Variants in NXPH2 observed in about 807,000 individuals in gnomAD.
NXPH2 encodes neurexophilin-2.
In NXPH2, 5 loss-of-function variants were observed where a neutral mutation model predicts 19.8. The observed-to-expected ratio is 0.25, with a 90% CI of 0.13 to 0.53. The LOEUF is 0.53. Ranked by LOEUF, NXPH2 falls within the 20% of genes least tolerant of loss-of-function variation. The pLI is 0.96. For synonymous variants in NXPH2, 154 were observed against 127.4 expected, an observed-to-expected ratio of 1.21 and a Z score of -1.41; for missense variants, 289 against 322.8, an observed-to-expected ratio of 0.90 and a Z score of 0.80.
rs943098628 is a variant in NXPH2 at position 138,671,256 on chromosome 2, C to T, written c.461G>A (p.Gly154Asp). 6.2e-7 allele frequency: 1 copy of T among 1,613,852 alleles called. No homozygotes were observed. The highest frequency in any genetic ancestry group is 8.5e-7 in the Non-Finnish European group (1 of 1,179,820). Reference protein sequence around the residue: ...VYFRHNSTGLGNVSVSLVPPS... With the variant: ...VYFRHNSTGLDNVSVSLVPPS... ...TGGTACCAAGCTCACTGAAACATTG[C>T]CCAGGCCTGTTGAATTATGTCGGAA... Residue 154 changes from glycine to aspartate, a missense_variant, in exon 2 of 2, where the codon GGC (glycine) becomes GAC (aspartate). Gly to Asp is a moderately conservative substitution (Grantham distance 94). Coordinates refer to ENST00000272641, the MANE Select transcript of NXPH2 (RefSeq NM_007226.3).
chr2:138,674,431 G>A (rs1296475142), intron 1 of NXPH2, among the ~76,000 whole-genome samples: 2 of 152,144 alleles, frequency 1.3e-5, no homozygotes, highest in Admixed American at 6.5e-5. Flanking sequence ...CAGGATTACA[G>A]GTGTGAGCCA....
At position 138,672,609 on chromosome 2, in the gene NXPH2, TA is replaced by T. The variant is rs1680431421; in HGVS notation, c.52-945del. Among the ~76,000 whole-genome samples the T allele has an allele frequency of 2.0e-5, 3 of 152,286 alleles. No homozygotes were observed. The South Asian group carries it at 6.2e-4, about 32-fold the overall frequency. On this transcript the variant is annotated intron_variant, in intron 1 of 1. Transcript: ENST00000272641. ...GGAGTGAATATTTATGGATGATTTA[TA>T]AAAAGTCTGGAAAATAGAGGTTTCT...
chr2:138,682,611 G>A (rs1416651384), intron 1 of NXPH2, among the ~76,000 whole-genome samples: 1 of 152,146 alleles, frequency 6.6e-6, no homozygotes, highest in African/African-American at 2.4e-5. Context: ...CCTTTCTGCT[G>A]AGAGTGGCAA....
chr2:138,776,404 G>T (rs576328355), intron 1 of NXPH2, among the ~76,000 whole-genome samples: 1 of 151,998 alleles, frequency 6.6e-6, no homozygotes, highest in Non-Finnish European at 1.5e-5. Context: ...TCATTTTTCT[G>T]TATGGAAGGC....
intron 1 of NXPH2, among the ~76,000 whole-genome samples, chr2:138,712,404 C>A (rs959390278): frequency 6.6e-6 from 1 of 152,190 alleles, no homozygotes; most frequent in Admixed American, 6.5e-5. Context: ...GGCCAAAGAT[C>A]ATTTCCTGTT....
At chr2:138,760,296 C>T (rs1681990527) in intron 1 of NXPH2, among the ~76,000 whole-genome samples, 1 of 152,108 alleles carries the variant, frequency 6.6e-6, no homozygotes, top group Admixed American at 6.5e-5. Flanking sequence ...TCCATTGCTC[C>T]CTGTTGTATA....
intron 1 of NXPH2, among the ~76,000 whole-genome samples, chr2:138,721,636 G>A (rs72869499): frequency 0.11 from 17,238 of 152,044 alleles, 1,143 homozygotes; most frequent in African/African-American, 0.12. Context: ...GAGATATGAT[G>A]TATGTAGGGA....
intron 1 of NXPH2, among the ~76,000 whole-genome samples, chr2:138,752,388 TG>T (rs1387700708): frequency 6.6e-6 from 1 of 152,198 alleles, no homozygotes; most frequent in Non-Finnish European, 1.5e-5. Context: ...GGTCTGGCAC[TG>T]GGCCAGTTCA....
At chr2:138,720,342 C>A (rs1681259334) in intron 1 of NXPH2, among the ~76,000 whole-genome samples, 1 of 152,142 alleles carries the variant, frequency 6.6e-6, no homozygotes, top group South Asian at 2.1e-4. Context: ...CATGACGAAA[C>A]ATGAGTATTT....
At chr2:138,767,064 C>T (rs1286202473) in intron 1 of NXPH2, among the ~76,000 whole-genome samples, 1 of 152,158 alleles carries the variant, frequency 6.6e-6, no homozygotes, top group Admixed American at 6.5e-5. Context: ...CTTGTATTAC[C>T]TTCACCTCCA....
intron 1 of NXPH2, among the ~76,000 whole-genome samples, chr2:138,736,082 T>A (rs1272954264): frequency 6.6e-6 from 1 of 152,214 alleles, no homozygotes; most frequent in Admixed American, 6.5e-5. Flanking sequence ...GCATTGAGTG[T>A]CTGTGGCTTT....
intron 1 of NXPH2, among the ~76,000 whole-genome samples, chr2:138,758,437 C>G (rs1231330751): frequency 6.6e-6 from 1 of 152,124 alleles, no homozygotes; most frequent in African/African-American, 2.4e-5. Flanking sequence ...AGTAATTGAG[C>G]TTTCATGACA....
chr2:138,689,694 G>T (rs546846280), intron 1 of NXPH2, among the ~76,000 whole-genome samples: 1 of 152,100 alleles, frequency 6.6e-6, no homozygotes, highest in Admixed American at 6.6e-5. Flanking sequence ...AAATTTAGCC[G>T]TCTATTAAAT....
chr2:138,737,870 T>C (rs915031347), intron 1 of NXPH2, among the ~76,000 whole-genome samples: 3 of 152,224 alleles, frequency 2.0e-5, no homozygotes, highest in African/African-American at 7.2e-5. Context: ...GTGATCAACA[T>C]GATGGAGTTG....
At chr2:138,684,656 G>C (rs1680622316) in intron 1 of NXPH2, among the ~76,000 whole-genome samples, 2 of 152,176 alleles carry the variant, frequency 1.3e-5, no homozygotes, top group Admixed American at 1.3e-4. Context: ...AATCCTGGAT[G>C]ACACTTTCCT....
At chr2:138,719,229 C>G (rs1291675043) in intron 1 of NXPH2, among the ~76,000 whole-genome samples, 2 of 151,846 alleles carry the variant, frequency 1.3e-5, no homozygotes, top group African/African-American at 2.4e-5. Context: ...AGATTATCCA[C>G]AATTATATAT....
intron 1 of NXPH2, among the ~76,000 whole-genome samples, chr2:138,748,086 G>A (rs67935429): frequency 0.15 from 23,054 of 152,118 alleles, 1,862 homozygotes; most frequent in East Asian, 0.2. Flanking sequence ...CATTTACCAG[G>A]GTAAATTACT....
At chr2:138,751,406 C>T (rs1681827110) in intron 1 of NXPH2, among the ~76,000 whole-genome samples, 1 of 152,142 alleles carries the variant, frequency 6.6e-6, no homozygotes, top group Admixed American at 6.6e-5. Context: ...TACATTATAA[C>T]ATCATCTCAA....
At chr2:138,719,705 T>A (rs879129389) in intron 1 of NXPH2, among the ~76,000 whole-genome samples, 1 of 152,064 alleles carries the variant, frequency 6.6e-6, no homozygotes, top group Non-Finnish European at 1.5e-5. Flanking sequence ...CAAGACCTCA[T>A]CCCCTCAAAA....
Sources: allele counts gnomAD v4.1 joint callset (sites outside exome capture counted in the v4.1 genomes callset), GRCh38; gene constraint gnomAD v4.1.1; transcripts MANE v1.5; gene names NCBI Gene and HGNC (gene_info 2026-07-23, HGNC 2026-07-21).